Variants in ATP2B2 observed in about 807,000 individuals in gnomAD.
The protein encoded by ATP2B2 is ATPase plasma membrane Ca2+ transporting 2, also known as plasma membrane calcium-transporting ATPase 2.
A neutral mutation model predicts 120.0 loss-of-function variants in ATP2B2; 15 were observed. The observed-to-expected ratio is 0.12, with a 90% confidence interval of 0.08 to 0.19. The LOEUF is 0.19. Ranked by LOEUF, ATP2B2 falls within the 10% of genes least tolerant of loss-of-function variation. The pLI is 1.00. For synonymous variants in ATP2B2, 694 were observed against 700.3 expected (o/e 0.99, Z 0.14); for missense variants, 1,045 against 1,719.8 (o/e 0.61, Z 6.94).
At chr3:10,515,141 T>G (rs892535682) in intron 3 of ATP2B2, among the ~76,000 whole-genome samples, 1 of 152,246 alleles carries the variant, frequency 6.6e-6, no homozygotes, top group Non-Finnish European at 1.5e-5. Flanking sequence ...AGCCCAGCTC[T>G]GCCACTTACC....
intron 2 of ATP2B2, among the ~76,000 whole-genome samples, chr3:10,420,837 C>T (rs2062953269): frequency 1.3e-5 from 2 of 152,226 alleles, no homozygotes; most frequent in Admixed American, 1.3e-4. Context: ...CTTGGTTGTA[C>T]ACTGGAGGCA....
In ATP2B2 at chr3:10,608,000, C is replaced by T. The variant is rs374092752; in HGVS notation, c.-415+11917G>A. 2.0e-5 allele frequency among the ~76,000 whole-genome samples: 3 copies of T among 152,328 alleles called. No individual in the cohort carries two copies. In the South Asian group the frequency reaches 6.2e-4, roughly 32 times the overall value. On this transcript the variant is annotated intron_variant, in intron 2 of 21. Transcript: ENST00000646379. ...CCTCTCTCATCAAGAGGCAGCATCA[C>T]CCACCCAGGCCTCACTGTCCACTTT...
At chr3:10,447,494 G>C (rs909486924) in intron 2 of ATP2B2, among the ~76,000 whole-genome samples, 1 of 152,224 alleles carries the variant, frequency 6.6e-6, no homozygotes, top group Non-Finnish European at 1.5e-5. Flanking sequence ...CACCTGTTGC[G>C]TGTGGTTGGC....
chr3:10,581,240 T>A (rs141523217), intron 2 of ATP2B2, among the ~76,000 whole-genome samples: 2 of 152,278 alleles, frequency 1.3e-5, no homozygotes, highest in African/African-American at 2.4e-5. Flanking sequence ...ACAATGCAAG[T>A]AGATTCCACA....
chr3:10,549,508 C>A (rs17033066), intron 2 of ATP2B2, among the ~76,000 whole-genome samples: 1 of 152,074 alleles, frequency 6.6e-6, no homozygotes, highest in Admixed American at 6.6e-5. Context: ...AAGATGATGG[C>A]GACACTGGTG....
intron 1 of ATP2B2, among the ~76,000 whole-genome samples, chr3:10,452,454 G>A (rs1028730290): frequency 3.3e-5 from 5 of 152,224 alleles, no homozygotes; most frequent in African/African-American, 1.2e-4. Context: ...GTCCGTGCAG[G>A]GATGGGGCGG....
chr3:10,603,663 T>C (rs989007020), intron 2 of ATP2B2, among the ~76,000 whole-genome samples: 1 of 152,058 alleles, frequency 6.6e-6, no homozygotes, highest in African/African-American at 2.4e-5. Context: ...ACCCAGCTGT[T>C]CTCTACCCTC....
intron 1 of ATP2B2, among the ~76,000 whole-genome samples, chr3:10,492,373 CT>C (rs1198674449): frequency 8.5e-5 from 13 of 152,150 alleles, no homozygotes; most frequent in Non-Finnish European, 1.5e-5. Context: ...ATTAAGGGCT[CT>C]TTAAGCTGGA....
upstream of ATP2B2, among the ~76,000 whole-genome samples, chr3:10,506,494 C>T (rs890200972): frequency 3.9e-5 from 6 of 152,216 alleles, no homozygotes; most frequent in Admixed American, 1.3e-4. Context: ...GCCAGCTGCT[C>T]ACCTCTTCCT....
chr3:10,695,949 T>C (rs1047048851), intron 1 of ATP2B2, among the ~76,000 whole-genome samples: 3 of 152,172 alleles, frequency 2.0e-5, no homozygotes, highest in Non-Finnish European at 2.9e-5. Context: ...GATGTCTTGG[T>C]TGCAACATAC....
intron 22 of ATP2B2, chr3:10,336,131 C>T: frequency 6.4e-7 from 1 of 1,550,412 alleles, no homozygotes; most frequent in Non-Finnish European, 8.7e-7. Flanking sequence ...ACACTCACGC[C>T]CGGCTGCAGC....
intron 10 of ATP2B2, among the ~76,000 whole-genome samples, chr3:10,377,814 C>T (rs2061422311): frequency 6.6e-6 from 1 of 152,244 alleles, no homozygotes; most frequent in South Asian, 2.1e-4. Context: ...TTGCTTGGAA[C>T]TTCAGGCCCT....
intron 2 of ATP2B2, among the ~76,000 whole-genome samples, chr3:10,426,200 C>T (rs76823923): frequency 9.2e-5 from 14 of 152,268 alleles, no homozygotes; most frequent in Admixed American, 5.2e-4. Flanking sequence ...ACACCCCCTT[C>T]GGAATGCTCT....
intron 2 of ATP2B2, among the ~76,000 whole-genome samples, chr3:10,553,015 C>G (rs1415670631): frequency 1.3e-5 from 2 of 152,190 alleles, no homozygotes; most frequent in African/African-American, 2.4e-5. Flanking sequence ...GCTCTGTCCT[C>G]TATGGCCTCC....
chr3:10,331,969 TAA>T lies in ATP2B2; in HGVS notation c.3421-2846_3421-2845del, dbSNP rs1229026894. 3.2e-6 allele frequency: 5 copies of T among 1,549,210 alleles called. No individual in the cohort carries two copies. The African/African-American group carries it at 6.8e-5, about 21-fold the overall frequency. ...TTCACATTCATTTCAGGCTCAAGGT[TAA>T]AGACTCACAACCTCTTTTAATTTCA... On this transcript the variant is annotated intron_variant, in intron 22 of 22. Transcript: ENST00000360273.
At chr3:10,455,539 G>A (rs1480442147) in intron 1 of ATP2B2, among the ~76,000 whole-genome samples, 1 of 152,252 alleles carries the variant, frequency 6.6e-6, no homozygotes, top group Admixed American at 6.5e-5. Context: ...GCCCAGAGCA[G>A]AAAATGAAAC....
chr3:10,455,226 A>G (rs1316960989), intron 1 of ATP2B2, among the ~76,000 whole-genome samples: 3 of 152,042 alleles, frequency 2.0e-5, no homozygotes, highest in Admixed American at 1.3e-4. Context: ...CAAAATCAGC[A>G]GTCATAGTTT....
In ATP2B2 at chr3:10,337,323, G is replaced by A. The variant is rs2060145382; in HGVS notation, c.3420+853C>T. Among the ~76,000 whole-genome samples, 3 of 152,148 alleles carry A rather than the reference G, an allele frequency of 2.0e-5. No individual in the cohort carries two copies. The South Asian group carries it at 6.2e-4, about 31-fold the overall frequency. ...GTGGCCAGGTGGCTGCTTCTACACT[G>A]CACTTCGCCCAAGCATGCTGGGGCA... On this transcript the variant is annotated intron_variant, in intron 22 of 22. Transcript: ENST00000360273.
intron 1 of ATP2B2, among the ~76,000 whole-genome samples, chr3:10,475,169 T>C (rs1013713342): frequency 1.3e-5 from 2 of 152,020 alleles, no homozygotes; most frequent in African/African-American, 4.8e-5. Flanking sequence ...GCCACTGCAG[T>C]AGGAGGAGGA....
Sources: allele counts gnomAD v4.1 joint callset (sites outside exome capture counted in the v4.1 genomes callset), GRCh38; gene constraint gnomAD v4.1.1; transcripts MANE v1.5; gene names NCBI Gene and HGNC (gene_info 2026-07-23, HGNC 2026-07-21).